LARGE1: variants seen among roughly 807,000 people sequenced by gnomAD.
The protein encoded by LARGE1 is xylosyl- and glucuronyltransferase LARGE1.
A neutral mutation model predicts 87.6 loss-of-function variants in LARGE1; 43 were observed. The observed-to-expected ratio is 0.49, with a 90% CI of 0.38 to 0.63. LARGE1 has a LOEUF of 0.63. Among genes scored for constraint, LARGE1 ranks in the 30% least tolerant of loss-of-function variants. The probability of loss-of-function intolerance (pLI) is 0.00; values close to 1 mark genes in which losing one functional copy is unlikely to be tolerated. For missense variants in LARGE1, 802 were observed against 1,000.2 expected (o/e 0.80, Z 2.67); for synonymous variants, 434 against 394.6 (o/e 1.10, Z -1.18).
intron 1 of LARGE1, among the ~76,000 whole-genome samples, chr22:33,778,225 C>T (rs764009344): frequency 3.3e-5 from 5 of 152,180 alleles, no homozygotes; most frequent in African/African-American, 7.2e-5. Context: ...AACTGTACCC[C>T]GTGTGATGGT....
chr22:33,331,279 G>A (rs1437967203), intron 10 of LARGE1, among the ~76,000 whole-genome samples: 2 of 152,074 alleles, frequency 1.3e-5, no homozygotes, highest in Non-Finnish European at 2.9e-5. Context: ...TTAAATGAGC[G>A]ATTCAGATTA....
intron 1 of LARGE1, among the ~76,000 whole-genome samples, chr22:33,903,063 C>T (rs542550159): frequency 6.6e-5 from 10 of 152,106 alleles, no homozygotes; most frequent in African/African-American, 1.9e-4. Context: ...ACCCGGGAGG[C>T]GGAGGTTGCA....
At chr22:33,821,941 G>C in intron 1 of LARGE1, among the ~76,000 whole-genome samples, 1 of 139,414 alleles carries the variant, frequency 7.2e-6, no homozygotes, top group East Asian at 2.1e-4. Context: ...CCGTTTAAGT[G>C]ACTTTTTTAG....
intron 11 of LARGE1, among the ~76,000 whole-genome samples, chr22:33,208,570 G>C (rs1243131717): frequency 7.2e-6 from 1 of 139,258 alleles, no homozygotes; most frequent in Non-Finnish European, 1.5e-5. Flanking sequence ...TTAAAAACAA[G>C]TCACTTTTTT....
At chr22:33,175,717 T>C (rs1294316112) in intron 11 of LARGE1, among the ~76,000 whole-genome samples, 1 of 152,072 alleles carries the variant, frequency 6.6e-6, no homozygotes, top group East Asian at 1.9e-4. Flanking sequence ...ATCGTGAAAA[T>C]AGCCATACTG....
At chr22:33,845,427 G>A (rs988429262) in intron 1 of LARGE1, among the ~76,000 whole-genome samples, 2 of 152,222 alleles carry the variant, frequency 1.3e-5, no homozygotes, top group African/African-American at 2.4e-5. Context: ...TCCTGCCTAA[G>A]CCTCCTGAGT....
At chr22:33,776,566 A>G (rs1272842330) in intron 1 of LARGE1, among the ~76,000 whole-genome samples, 1 of 152,198 alleles carries the variant, frequency 6.6e-6, no homozygotes, top group East Asian at 1.9e-4. Flanking sequence ...CTACCTATGA[A>G]GCCCTGCCTT....
chr22:33,825,750 G>C lies in LARGE1; in HGVS notation c.-82-64192C>G, dbSNP rs943443721. Among the ~76,000 whole-genome samples the C allele has an allele frequency of 3.3e-5, 5 of 152,274 alleles. No individual in the cohort carries two copies. The South Asian group carries it at 1.0e-3, about 32-fold the overall frequency. On this transcript the variant is annotated intron_variant, in intron 1 of 14. Coordinates refer to ENST00000397394, the MANE Select transcript of LARGE1 (RefSeq NM_133642.5). ...GTGGGGCCACAGCAAAACCATATCA[G>C]ATGGTGACAGAGAGAGGGAACGAAG...
chr22:33,091,381 T>C, the LARGE1 span, among the ~76,000 whole-genome samples: 4 of 151,986 alleles, frequency 2.6e-5, no homozygotes, highest in African/African-American at 9.7e-5. Flanking sequence ...ACCAACATGG[T>C]GAAACCTTGT....
chr22:33,906,006 T>G (rs984626152), intron 1 of LARGE1, among the ~76,000 whole-genome samples: 3 of 152,108 alleles, frequency 2.0e-5, no homozygotes, highest in Admixed American at 6.6e-5. Context: ...GGCAGGCGCC[T>G]GTAGTCCCAG....
chr22:33,706,729 G>C lies in LARGE1; in HGVS notation c.106+54642C>G, dbSNP rs149852868. 3.3e-5 allele frequency among the ~76,000 whole-genome samples: 5 copies of C among 152,326 alleles called. No homozygotes were observed. In the East Asian group the frequency reaches 9.7e-4, roughly 29 times the overall value. ...GCATAGCTAACCTACCTTCTTAGAA[G>C]TTCTTTTCGTCAAAAGACAGAGACA... On this transcript the variant is annotated intron_variant, in intron 2 of 14. Coordinates refer to ENST00000397394, the MANE Select transcript of LARGE1 (RefSeq NM_133642.5).
chr22:33,413,863 G>A (rs934973259), intron 7 of LARGE1, among the ~76,000 whole-genome samples: 7 of 152,076 alleles, frequency 4.6e-5, no homozygotes, highest in African/African-American at 1.4e-4. Context: ...TGTCACAGAG[G>A]GCAAGATTTC....
At chr22:33,396,762 C>T (rs191127805) in intron 7 of LARGE1, among the ~76,000 whole-genome samples, 1 of 152,240 alleles carries the variant, frequency 6.6e-6, no homozygotes. Flanking sequence ...GGTTGGATTT[C>T]ATGTTGTGGG....
chr22:33,572,256 T>C (rs1165049559), intron 5 of LARGE1: 3 of 1,249,826 alleles, frequency 2.4e-6, no homozygotes, highest in Non-Finnish European at 3.1e-6. Flanking sequence ...CCTTTCATGT[T>C]GTTTCTGAGT....
At chr22:33,741,720 A>G (rs2083889189) in intron 2 of LARGE1, among the ~76,000 whole-genome samples, 1 of 152,246 alleles carries the variant, frequency 6.6e-6, no homozygotes, top group African/African-American at 2.4e-5. Context: ...GCACAGAAAC[A>G]GAGACACTGA....
Position 33,761,439 on chromosome 22 carries a change from G to A in LARGE1, c.38C>T (p.Ala13Val), listed in dbSNP as rs1399224245. 3 of 1,614,042 alleles carry A rather than the reference G, an allele frequency of 1.9e-6. No homozygotes were observed. Among genetic ancestry groups the A allele is most frequent in the Non-Finnish European group, 2.5e-6 (3 of 1,180,014 alleles). The change falls in exon 2 of 15, where the codon GCT becomes GTT. Residue 13 changes from alanine (A) to valine (V), a missense_variant. Ala to Val is a moderately conservative substitution (Grantham distance 64). Transcript: ENST00000397394. Reference protein sequence around the residue: ...GICRGRRKFLAASLSLLCIPA... With the variant: ...GICRGRRKFLVASLSLLCIPA... The stretch of plus-strand genomic sequence containing the variant: ...GATGCAGAGAAGACTCAACGAGGCA[G>A]CCAAGAATTTCCGTCTCCCCCTGCA...
intron 11 of LARGE1, among the ~76,000 whole-genome samples, chr22:33,305,358 T>TAAAAAAA (rs60727771): frequency 1.0e-5 from 1 of 98,620 alleles, no homozygotes. Flanking sequence ...GGGAAAAAAT[T>TAAAAAAA]AAAAAAAAAA....
intron 5 of LARGE1, among the ~76,000 whole-genome samples, chr22:33,575,235 T>C (rs2078319873): frequency 6.6e-6 from 1 of 152,204 alleles, no homozygotes; most frequent in African/African-American, 2.4e-5. Flanking sequence ...AACAACCAAC[T>C]TATTGTTCAG....
At chr22:33,253,579 GC>G (rs1261416724) in intron 11 of LARGE1, among the ~76,000 whole-genome samples, 3 of 152,202 alleles carry the variant, frequency 2.0e-5, no homozygotes, top group African/African-American at 7.2e-5. Flanking sequence ...GGGTGTGGTG[GC>G]AGGCGCCTAT....
Sources: gnomAD v4.1 joint callset for allele counts (sites outside exome capture counted in the v4.1 genomes callset) on GRCh38, gnomAD v4.1.1 for gene constraint, MANE v1.5 for transcripts, NCBI Gene and HGNC (gene_info 2026-07-23, HGNC 2026-07-21) for gene names.